NAV2: variants seen among roughly 807,000 people sequenced by gnomAD.
NAV2 encodes the protein helicase, APC down-regulated 1.
NAV2 carries 54 observed loss-of-function variants against 223.2 expected under a neutral mutation model. That is an observed-to-expected ratio of 0.24 (90% CI 0.19 to 0.30). NAV2 has a LOEUF of 0.30. NAV2 is among the 10% of genes least tolerant of loss of function. The pLI is 1.00. For missense variants in NAV2, 2,806 were observed against 3,147.5 expected (o/e 0.89, Z 2.60); for synonymous variants, 1,279 against 1,239.3 (o/e 1.03, Z -0.67).
chr11:20,034,372 T>TG (rs879945697), intron 11 of NAV2, among the ~76,000 whole-genome samples: 2,142 of 113,426 alleles, frequency 0.019, 15 homozygotes, highest in East Asian at 0.038. Context: ...GTTTTTTTTT[T>TG]TTTTTTTGTT....
At chr11:20,040,082 G>T (rs2056770467) in intron 12 of NAV2, among the ~76,000 whole-genome samples, 2 of 152,182 alleles carry the variant, frequency 1.3e-5, no homozygotes. Flanking sequence ...TATGTGGAGG[G>T]ACACAGTGCC....
chr11:19,482,397 G>C (rs995045158), intron 1 of NAV2, among the ~76,000 whole-genome samples: 3 of 152,146 alleles, frequency 2.0e-5, no homozygotes, highest in African/African-American at 7.2e-5. Flanking sequence ...AAACTCAACT[G>C]TCCTGGACCA....
chr11:19,583,772 G>A lies in NAV2; in HGVS notation c.75+232745G>A, dbSNP rs186388130. 5.6e-3 allele frequency among the ~76,000 whole-genome samples: 849 copies of A among 152,252 alleles called. 5 individuals carry two copies. The highest frequency in any genetic ancestry group is 0.02 in the African/African-American group (813 of 41,550). On this transcript the variant is annotated intron_variant, in intron 1 of 37. Transcript: ENST00000360655. The stretch of plus-strand genomic sequence containing the variant: ...AACTTTTTGATGTGCTGCTGGATTC[G>A]GTTTGCCAGTATTTTACTGAGGATT...
At chr11:19,668,947 G>A (rs887110653) in intron 1 of NAV2, among the ~76,000 whole-genome samples, 4 of 152,144 alleles carry the variant, frequency 2.6e-5, no homozygotes, top group Non-Finnish European at 5.9e-5. Flanking sequence ...AGACAATTAG[G>A]AAACCTTGGA....
chr11:19,600,260 C>G (rs969169467), intron 1 of NAV2, among the ~76,000 whole-genome samples: 1 of 152,182 alleles, frequency 6.6e-6, no homozygotes, highest in Non-Finnish European at 1.5e-5. Context: ...AGAACCCCAG[C>G]ACTTCTGGCC....
At chr11:19,556,917 C>T (rs2044913994) in intron 1 of NAV2, among the ~76,000 whole-genome samples, 1 of 152,164 alleles carries the variant, frequency 6.6e-6, no homozygotes, top group Admixed American at 6.5e-5. Context: ...CATGTACTCT[C>T]TGAAATTCTT....
chr11:20,010,847 A>C (rs567152412), intron 11 of NAV2, among the ~76,000 whole-genome samples: 1 of 152,320 alleles, frequency 6.6e-6, no homozygotes, highest in East Asian at 1.9e-4. Context: ...AAGTACTGTA[A>C]CAGGCTTTCA....
intron 1 of NAV2, among the ~76,000 whole-genome samples, chr11:19,457,628 G>T (rs1344915811): frequency 6.6e-6 from 1 of 152,170 alleles, no homozygotes; most frequent in South Asian, 2.1e-4. Context: ...GGTCACTAGG[G>T]CTGCCACATG....
intron 2 of NAV2, among the ~76,000 whole-genome samples, chr11:19,833,650 T>TTA (rs2152912400): frequency 6.6e-6 from 1 of 152,348 alleles, no homozygotes; most frequent in East Asian, 1.9e-4. Flanking sequence ...ATGTCTTTAT[T>TTA]ATCTCACAGC....
chr11:19,984,456 T>C (rs2050584587), intron 11 of NAV2, among the ~76,000 whole-genome samples: 2 of 151,970 alleles, frequency 1.3e-5, no homozygotes, highest in Admixed American at 1.3e-4. Context: ...CTGTGTAGGG[T>C]GGTGCTTCTG....
chr11:19,816,980 A>G (rs1474978161), intron 1 of NAV2, among the ~76,000 whole-genome samples: 11 of 151,736 alleles, frequency 7.2e-5, no homozygotes, highest in African/African-American at 1.5e-4. Flanking sequence ...CTCTGGATCT[A>G]CTTCTCCCAG....
chr11:19,367,876 G>C (rs1002854231), intron 1 of NAV2, among the ~76,000 whole-genome samples: 5 of 152,186 alleles, frequency 3.3e-5, no homozygotes, highest in Admixed American at 6.5e-5. Flanking sequence ...ATACCCCAGA[G>C]CTGGAATAAA....
Position 20,054,091 on chromosome 11 carries a change from C to T in NAV2, c.4493C>T (p.Thr1498Ile). 1.2e-6 allele frequency: 2 copies of T among 1,612,716 alleles called. No individual in the cohort carries two copies. The highest frequency in any genetic ancestry group is 1.7e-6 in the Non-Finnish European group (2 of 1,179,766). ...LPKKGLRYTP[T>I]SQLRTQEDAK... ...TTCTGTCTGTCCAGGTATACTCCCA[C>T]CTCCCAGCTTCGCACGCAAGAAGAT... The change falls in exon 18 of 38, where the codon ACC (threonine) becomes ATC (isoleucine). Residue 1498 changes from threonine (T) to isoleucine (I), a missense_variant. Thr to Ile is a moderately conservative substitution (Grantham distance 89). Transcript: ENST00000349880.
intron 1 of NAV2, among the ~76,000 whole-genome samples, chr11:19,611,170 G>A (rs1302235860): frequency 6.6e-6 from 1 of 152,148 alleles, no homozygotes; most frequent in Non-Finnish European, 1.5e-5. Context: ...GATCTCGTGA[G>A]ACTTATTCAC....
At chr11:19,467,388 AT>A (rs1027803690) in intron 1 of NAV2, among the ~76,000 whole-genome samples, 20 of 152,148 alleles carry the variant, frequency 1.3e-4, no homozygotes, top group African/African-American at 4.6e-4. Flanking sequence ...CTTGGTGGTA[AT>A]TTCTGATTAT....
chr11:19,556,136 G>C (rs148425029), intron 1 of NAV2, among the ~76,000 whole-genome samples: 24 of 152,280 alleles, frequency 1.6e-4, no homozygotes, highest in African/African-American at 5.8e-4. Context: ...CTCTACCACT[G>C]CTGGGAATCT....
intron 1 of NAV2, among the ~76,000 whole-genome samples, chr11:19,369,054 G>A (rs1344139112): frequency 1.3e-5 from 2 of 152,330 alleles, no homozygotes; most frequent in South Asian, 2.1e-4. Flanking sequence ...GGAGAAGCAA[G>A]CAGATTGTAA....
intron 4 of NAV2, among the ~76,000 whole-genome samples, chr11:19,877,470 C>CTTTTTTTTTTTTTTTTTTTTTCTTTTTTT (rs1289323253): frequency 1.2e-5 from 1 of 82,622 alleles, no homozygotes; most frequent in African/African-American, 6.8e-5. Context: ...TATCTTCATT[C>CTTTTTTTTTTTTTTTTTTTTTCTTTTTTT]TTTTTTTTTT....
chr11:20,100,568 T>C (rs1169023802), intron 31 of NAV2, among the ~76,000 whole-genome samples: 1 of 151,040 alleles, frequency 6.6e-6, no homozygotes, highest in Non-Finnish European at 1.5e-5. Context: ...TGTGTGTGTG[T>C]GTGTGTGTGT....
Sources: allele counts gnomAD v4.1 joint callset (sites outside exome capture counted in the v4.1 genomes callset), GRCh38; gene constraint gnomAD v4.1.1; transcripts MANE v1.5; gene names NCBI Gene and HGNC (gene_info 2026-07-23, HGNC 2026-07-21).